FNTB: variants seen among roughly 807,000 people sequenced by gnomAD.
FNTB encodes protein farnesyltransferase subunit beta.
A neutral mutation model predicts 59.4 loss-of-function variants in FNTB; 27 were observed. The observed-to-expected ratio is 0.45, with a 90% CI of 0.34 to 0.63. The LOEUF is 0.63. Ranked by LOEUF, FNTB falls within the 20% of genes least tolerant of loss-of-function variation. The pLI is 0.02. For missense variants in FNTB, 449 were observed against 559.6 expected (o/e 0.80, Z 1.99); for synonymous variants, 230 against 220.7 (o/e 1.04, Z -0.37).
intron 4 of FNTB, among the ~76,000 whole-genome samples, chr14:65,024,702 A>G (rs554346394): frequency 1.4e-3 from 212 of 152,262 alleles, no homozygotes; most frequent in Admixed American, 4.3e-3. Context: ...TGTTTGTACA[A>G]TGTTTTTTGC....
At chr14:65,015,461 T>A in intron 3 of FNTB, 164 bp from the exon 4 acceptor site, 2 of 280,742 alleles carry the variant, frequency 7.1e-6, no homozygotes, top group Non-Finnish European at 1.4e-5. Flanking sequence ...AGCTCCTGGC[T>A]AAGGCCACAA....
At chr14:65,035,859 G>C (rs2139602068) in intron 7 of FNTB, among the ~76,000 whole-genome samples, 1 of 150,588 alleles carries the variant, frequency 6.6e-6, no homozygotes, top group South Asian at 2.1e-4. Context: ...TGAAGACACG[G>C]TCTTGCTTGT....
In FNTB at chr14:65,009,319, A is replaced by G. The variant is rs189894674; in HGVS notation, c.210-2998A>G. Among the ~76,000 whole-genome samples, 191 of 152,248 alleles carry G rather than the reference A, an allele frequency of 1.3e-3. 1 individual carries two copies. The highest frequency in any genetic ancestry group is 4.6e-3 in the African/African-American group (191 of 41,532). On this transcript the variant is annotated intron_variant, in intron 2 of 11. Coordinates refer to ENST00000246166, the MANE Select transcript of FNTB (RefSeq NM_002028.4). The surrounding 1 kb of genome is among the most constrained non-coding windows in gnomAD (Gnocchi z 4.2). The stretch of plus-strand genomic sequence containing the variant: ...CTGAGGCTGCTGACTGGCTTCACCA[A>G]CATGTTATATTTCTTAATTTCACTG...
In FNTB at chr14:65,031,979, C is replaced by CGTGTGTGTGTGTGTGTGTGTGTGT. The variant is rs563468928; in HGVS notation, c.606-614_606-591dup. Reference sequence around the variant, plus strand: ...ATAGACGTGCGCCTTTTTCATTTAACGTGTGTGTGTGTGTGTGTGTGTGTG... The same window carrying CGTGTGTGTGTGTGTGTGTGTGTGT: ...ATAGACGTGCGCCTTTTTCATTTAACGTGTGTGTGTGTGTGTGTGTGTGTGTGTGTGTGTGTGTGTGTGTGTGTG... On this transcript the variant is annotated intron_variant, in intron 6 of 11. Transcript: ENST00000246166. The surrounding 1 kb of genome is among the most constrained non-coding windows in gnomAD (Gnocchi z 4.6). Among the ~76,000 whole-genome samples the CGTGTGTGTGTGTGTGTGTGTGTGT allele has an allele frequency of 7.5e-4, 106 of 141,280 alleles. No individual in the cohort carries two copies. Among genetic ancestry groups the CGTGTGTGTGTGTGTGTGTGTGTGT allele is most frequent in the Middle Eastern group, 3.5e-3 (1 of 284 alleles). 92.7% of individuals were successfully genotyped at this position (141,280 alleles called of 152,430 possible).
chr14:64,995,249 A>T (rs934113723), intron 1 of FNTB, among the ~76,000 whole-genome samples: 1 of 152,174 alleles, frequency 6.6e-6, no homozygotes, highest in Non-Finnish European at 1.5e-5. Flanking sequence ...TGCGTTCTTC[A>T]GGAATTCCTC....
chr14:65,041,400 C>T (rs1034790925), intron 8 of FNTB, among the ~76,000 whole-genome samples: 6 of 152,168 alleles, frequency 3.9e-5, no homozygotes, highest in East Asian at 3.8e-4. Flanking sequence ...CTGGACCCCA[C>T]GCTCCTGGCC....
At chr14:65,003,718 C>T (rs1450111525) in intron 1 of FNTB, 2 of 152,190 alleles carry the variant, frequency 1.3e-5, no homozygotes, top group Admixed American at 1.3e-4. Flanking sequence ...CAGTAGGTGC[C>T]TTCTCCATTG....
rs1286374151 is a variant in FNTB, at chr14:65,023,898, C to T, written c.375-3555C>T. On this transcript the variant is annotated intron_variant, in intron 4 of 11. Coordinates refer to ENST00000246166, the MANE Select transcript of FNTB (RefSeq NM_002028.4). The surrounding 1 kb of genome is among the most constrained non-coding windows in gnomAD (Gnocchi z 4.1). The stretch of plus-strand genomic sequence containing the variant: ...GGCGGATTGTCTGAGCTCGGGAGTT[C>T]GAGACCAGCCTGGGCAACACAGTGA... Among the ~76,000 whole-genome samples, 2 of 151,976 alleles carry T rather than the reference C, an allele frequency of 1.3e-5. No homozygotes were observed. The highest frequency in any genetic ancestry group is 2.9e-5 in the Non-Finnish European group (2 of 67,998).
At chr14:65,016,868 GAC>G (rs2061783136) in intron 4 of FNTB, among the ~76,000 whole-genome samples, 1 of 151,646 alleles carries the variant, frequency 6.6e-6, no homozygotes. Flanking sequence ...AGGAGAGTTG[GAC>G]ACAGTTTCTG....
chr14:65,022,184 G>C (rs1230412923), intron 4 of FNTB: 1 of 407,248 alleles, frequency 2.5e-6, no homozygotes, highest in African/African-American at 2.0e-5. Flanking sequence ...GAACAAGCTT[G>C]ATGTGATGCC....
Position 65,031,979 on chromosome 14 carries a change from C to CGTGTGTGTGTGTGT in FNTB, c.606-604_606-591dup, listed in dbSNP as rs563468928. Among the ~76,000 whole-genome samples the CGTGTGTGTGTGTGT allele has an allele frequency of 7.2e-4, 102 of 141,286 alleles. No individual in the cohort carries two copies. Among genetic ancestry groups the CGTGTGTGTGTGTGT allele is most frequent in the African/African-American group, 2.5e-3 (95 of 37,888 alleles). 92.7% of individuals were successfully genotyped at this position (141,286 alleles called of 152,430 possible). A position where few individuals can be genotyped will look rare whatever the true frequency, so the allele number is the denominator to read the frequency against. ...ATAGACGTGCGCCTTTTTCATTTAACGTGTGTGTGTGTGTGTGTGTGTGTG... is the reference window on the plus strand; with the variant it reads ...ATAGACGTGCGCCTTTTTCATTTAACGTGTGTGTGTGTGTGTGTGTGTGTGTGTGTGTGTGTGTG... On this transcript the variant is annotated intron_variant, in intron 6 of 11. Transcript: ENST00000246166. The surrounding 1 kb of genome is among the most constrained non-coding windows in gnomAD (Gnocchi z 4.6).
chr14:64,989,818 G>A (rs190301471), intron 1 of FNTB, among the ~76,000 whole-genome samples: 2 of 152,332 alleles, frequency 1.3e-5, no homozygotes, highest in Admixed American at 1.3e-4. Flanking sequence ...AGGCCAATGA[G>A]GCAGTCAATT....
chr14:65,038,358 C>T (rs1370902455), intron 7 of FNTB, among the ~76,000 whole-genome samples: 2 of 151,172 alleles, frequency 1.3e-5, no homozygotes, highest in Non-Finnish European at 2.9e-5. Context: ...TGCAGTGAGC[C>T]GAGATCGCAC....
rs17825608 is a variant in FNTB at position 65,041,640 on chromosome 14, G to A, written c.822+721G>A. Among the ~76,000 whole-genome samples the A allele has an allele frequency of 9.2e-3, 1,401 of 152,238 alleles. 22 individuals are homozygous for A. Among genetic ancestry groups the A allele is most frequent in the Middle Eastern group, 0.02 (6 of 294 alleles). ...TTCAGATGCCAGCCTCCCGTTATGC[G>A]GCCCATCGTGAGCTTCCTGGAGAGT... On this transcript the variant is annotated intron_variant, in intron 8 of 11. Transcript: ENST00000246166.
intron 4 of FNTB, among the ~76,000 whole-genome samples, chr14:65,021,224 A>C (rs2061880594): frequency 6.6e-6 from 1 of 152,234 alleles, no homozygotes; most frequent in Admixed American, 6.5e-5. Context: ...TAAAATTCAC[A>C]GGGAGACCAT....
At position 65,061,051 on chromosome 14, in the gene FNTB, C is replaced by T. The variant is rs189334593; in HGVS notation, c.1183-130C>T. The T allele has an allele frequency of 8.8e-4, 1,277 of 1,454,038 alleles. 1 individual carries two copies. The highest frequency in any genetic ancestry group is 1.1e-3 in the Non-Finnish European group (1,230 of 1,087,068). 90.1% of individuals were successfully genotyped at this position (1,454,038 alleles called of 1,614,324 possible). On this transcript the variant is annotated intron_variant, in intron 11 of 11. Transcript: ENST00000246166. ...TTTAGCAAATACACCATTTTTGAACCTTTGGGCTTTGTGTGTATCTCTGAT... is the reference window on the plus strand; with the variant it reads ...TTTAGCAAATACACCATTTTTGAACTTTTGGGCTTTGTGTGTATCTCTGAT...
chr14:65,031,222 A>G lies in FNTB; in HGVS notation c.606-1388A>G, dbSNP rs780739137. Among the ~76,000 whole-genome samples the G allele has an allele frequency of 2.6e-5, 4 of 152,200 alleles. No individual in the cohort carries two copies. The highest frequency in any genetic ancestry group is 5.9e-5 in the Non-Finnish European group (4 of 68,024). On this transcript the variant is annotated intron_variant, in intron 6 of 11. Transcript: ENST00000246166. The surrounding 1 kb of genome is among the most constrained non-coding windows in gnomAD (Gnocchi z 4.6). ...GCAGTCTGTGTGTGTATACCATGAC[A>G]GAGGGAGAAGCTGAAATAAAATGTG...
rs2062872398 is a variant in FNTB at position 65,061,923 on chromosome 14, C to G, written c.*611C>G. On this transcript the variant is annotated 3_prime_UTR_variant, in exon 12 of 12. Transcript: ENST00000246166. Reference sequence around the variant, plus strand: ...TCCACTTCAACACTGGAGAACTGAGCCTTGCATCTCTCCAGGGTCCAAGGC... The same window carrying G: ...TCCACTTCAACACTGGAGAACTGAGGCTTGCATCTCTCCAGGGTCCAAGGC... The G allele has an allele frequency of 6.5e-6, 1 of 153,778 alleles. No homozygotes were observed. 9.5% of individuals were successfully genotyped at this position (153,778 alleles called of 1,614,324 possible).
In FNTB at chr14:65,048,974, A is replaced by G. The variant is rs555247229; in HGVS notation, c.956-4264A>G. Among the ~76,000 whole-genome samples, 253 of 152,224 alleles carry G rather than the reference A, an allele frequency of 1.7e-3. 2 individuals carry two copies. Among genetic ancestry groups the G allele is most frequent in the African/African-American group, 5.5e-3 (227 of 41,526 alleles). ...ACCCCATCTCTACTAAAGATACAAA[A>G]AATTAGCCAGGCATGGTGCCACGTT... On this transcript the variant is annotated intron_variant, in intron 9 of 11. Transcript: ENST00000246166.
Sources: gnomAD v4.1 joint callset for allele counts (sites outside exome capture counted in the v4.1 genomes callset) on GRCh38, gnomAD v4.1.1 for gene constraint, Gnocchi (gnomAD v3.1) non-coding constraint, MANE v1.5 for transcripts, NCBI Gene and HGNC (gene_info 2026-07-23, HGNC 2026-07-21) for gene names.